ARHGAP4: variants seen among roughly 807,000 people sequenced by gnomAD.
ARHGAP4 encodes rho GTPase-activating protein 4.
Under a neutral mutation model 67.6 loss-of-function variants are expected in ARHGAP4, and 25 were observed. The observed-to-expected ratio is 0.37, with a 90% CI of 0.27 to 0.52. The LOEUF is 0.52. Among genes scored for constraint, ARHGAP4 ranks in the 20% least tolerant of loss-of-function variants. ARHGAP4 has a pLI of 0.92. For missense variants in ARHGAP4, 804 were observed against 854.6 expected, an observed-to-expected ratio of 0.94 and a Z score of 0.74; for synonymous variants, 448 against 373.7, an observed-to-expected ratio of 1.20 and a Z score of -2.29.
At position 153,913,555 on chromosome X, in the gene ARHGAP4, C is replaced by T. The variant is rs781836431; in HGVS notation, c.1180G>A (p.Val394Met). 1.7e-6 allele frequency: 2 copies of T among 1,211,370 alleles called. No individual in the cohort carries two copies. Among genetic ancestry groups the T allele is most frequent in the East Asian group, 5.9e-5 (2 of 33,861 alleles). Residue 394 changes from valine (V) to methionine (M), a missense_variant, in exon 9 of 22, where the codon GTG becomes ATG. Physicochemically the swap from Val to Met is conservative, Grantham distance 21. Around this residue, in one of 2 missense-constraint regions of ARHGAP4, gnomAD observed 404 missense variants for 505.9 expected, o/e 0.80. Coordinates refer to ENST00000350060, the MANE Select transcript of ARHGAP4 (RefSeq NM_001666.5). ...KATLQALLEVVASDDGDVLDS... is the reference protein window; with the variant it reads ...KATLQALLEVMASDDGDVLDS... The stretch of plus-strand genomic sequence containing the variant: ...AGCACATCCCCGTCATCCGAGGCCA[C>T]CACCTCCAGCAGGGCCTGCAGTGTC...
intron 1 of ARHGAP4, among the ~76,000 whole-genome samples, chrX:153,922,876 C>G (rs1189246174): frequency 1.8e-5 from 2 of 111,553 alleles, no homozygotes; most frequent in African/African-American, 6.5e-5. Context: ...GGGGCACGAA[C>G]ACATATCAGA....
chrX:153,909,371 A>C (rs2064998360), intron 20 of ARHGAP4, 72 bp downstream of exon 20: 34 of 1,075,234 alleles, frequency 3.2e-5, no homozygotes, highest in Non-Finnish European at 4.1e-5. Context: ...CCACTGGCCA[A>C]AGCCTGACCC....
At chrX:153,925,625 C>A (rs2065120956) in intron 1 of ARHGAP4, among the ~76,000 whole-genome samples, 1 of 112,638 alleles carries the variant, frequency 8.9e-6, no homozygotes, top group Non-Finnish European at 1.9e-5. Context: ...GCCAGCTTGA[C>A]CCAGAGACAG....
chrX:153,914,733 C>T (rs2065043741), intron 7 of ARHGAP4, among the ~76,000 whole-genome samples: 1 of 111,287 alleles, frequency 9.0e-6, no homozygotes, highest in Admixed American at 9.6e-5. Flanking sequence ...GTAAGGAAGA[C>T]TGGGGTCTGA....
At chrX:153,918,366 G>A (rs921946812) in intron 7 of ARHGAP4, among the ~76,000 whole-genome samples, 5 of 111,578 alleles carry the variant, frequency 4.5e-5, no homozygotes, top group Non-Finnish European at 9.4e-5. Context: ...GAGCAGCTGT[G>A]ACGCCATCGG....
rs1457794395 is a variant in ARHGAP4, at chrX:153,913,029, C to T, written c.1434G>A (p.Val478=). 1.7e-6 allele frequency: 2 copies of T among 1,193,563 alleles called. No individual in the cohort carries two copies. The highest frequency in any genetic ancestry group is 2.3e-6 in the Non-Finnish European group (2 of 886,487). Residue 478 remains valine (V), a synonymous_variant, in exon 11 of 22, where the codon GTG becomes GTA. Coordinates refer to ENST00000350060, the MANE Select transcript of ARHGAP4 (RefSeq NM_001666.5). ...LQRGDKEEQE[V]SWTQYTQRKF... is the part of the protein sequence containing the mutation. ...AGCCCTCAGGGAGGACTCACCAAGA[C>T]ACCTCCTGCTCCTCCTTGTCACCTG... is the stretch of plus-strand genomic sequence containing the variant.
Position 153,909,854 on chromosome X carries a change from G to C in ARHGAP4, c.2301C>G (p.Phe767Leu). ...YTGRTAQELS[F>L]RRGDVLRLHE... ...GCAGCCGCAGTACGTCCCCCCGCCG[G>C]AAGCTCAGCTCCTGGGCTGTGCGGC... The change falls in exon 19 of 22, where the codon TTC (phenylalanine) becomes TTG (leucine). Residue 767 changes from phenylalanine (F) to leucine (L), a missense_variant. Transcript: ENST00000350060. 1 of 1,204,279 alleles carries C rather than the reference G, an allele frequency of 8.3e-7. No individual in the cohort carries two copies. The highest frequency in any genetic ancestry group is 1.1e-6 in the Non-Finnish European group (1 of 892,338).
At chrX:153,909,561 T>G (rs1557102217) in intron 19 of ARHGAP4, 26 bp from the exon 20 acceptor site, 1 of 1,169,272 alleles carries the variant, frequency 8.6e-7, no homozygotes, top group Non-Finnish European at 1.1e-6. Context: ...CCGGCCTGTT[T>G]CGAGTGCTCC....
rs149873165 is a variant in ARHGAP4 at position 153,907,904 on chromosome X, C to T, written c.2666G>A (p.Arg889His). ...GGTAGATGCTGGCCCAAGGCCCTGG[C>T]GGACAGAGGTCTTTCCCAAGAGCTC... ...FKELLGKTSV[R>H]QGLGPASTTS... The change falls in exon 22 of 22, where the codon CGC becomes CAC. Residue 889 changes from arginine to histidine, a missense_variant. This residue lies in a region of ARHGAP4 where 400 missense variants were observed against 348.7 expected (regional missense o/e 1.15). Transcript: ENST00000350060. 47 of 1,060,404 alleles carry T rather than the reference C, an allele frequency of 4.4e-5. No homozygotes were observed. Among genetic ancestry groups the T allele is most frequent in the East Asian group, 1.8e-4 (5 of 27,540 alleles). 87.4% of individuals were successfully genotyped at this position (1,060,404 alleles called of 1,213,427 possible). A position where few individuals can be genotyped will look rare whatever the true frequency, so the allele number is the denominator to read the frequency against.
Position 153,910,921 on chromosome X carries a change from CCT to C in ARHGAP4, c.1680_1681del (p.Glu562GlyfsTer11). 1 of 1,159,983 alleles carries C rather than the reference CCT, an allele frequency of 8.6e-7. No individual in the cohort carries two copies. The highest frequency in any genetic ancestry group is 1.1e-6 in the Non-Finnish European group (1 of 870,228). ...CCCCCGCCCGCCCTGCCCGTCCCCA[CCT>C]CTCTCGAAGGCATCACGGATCTCTG... On this transcript the variant is annotated frameshift_variant and splice_region_variant, in exon 14 of 22. Transcript: ENST00000350060. LOFTEE classifies it high-confidence loss of function.
Position 153,920,693 on chromosome X carries a change from G to A in ARHGAP4, c.614C>T (p.Ala205Val), listed in dbSNP as rs781986272. Residue 205 changes from alanine (A) to valine (V), a missense_variant, in exon 5 of 22, where the codon GCT becomes GTT. This residue lies in a region of ARHGAP4 where 404 missense variants were observed against 505.9 expected (regional missense o/e 0.80). Transcript: ENST00000350060. ...GAGGGGCCCTGCCTCAGTGGCACCA[G>A]CGGTGGTGGTGGGGACACTCCGGCC... ...RAGRSVPTTT[A>V]GATEAGPLRK... The A allele has an allele frequency of 8.3e-7, 1 of 1,211,824 alleles. No homozygotes were observed. Among genetic ancestry groups the A allele is most frequent in the Non-Finnish European group, 1.1e-6 (1 of 895,545 alleles).
chrX:153,923,062 C>T lies in ARHGAP4; in HGVS notation c.68-1253G>A, dbSNP rs145408668. On this transcript the variant is annotated intron_variant, in intron 1 of 21. Transcript: ENST00000350060. Reference sequence around the variant, plus strand: ...GGGCAGTAGGGGGAGTCCGAGAGACCGGTAGGGACAGATGGCACAGAGCCC... The same window carrying T: ...GGGCAGTAGGGGGAGTCCGAGAGACTGGTAGGGACAGATGGCACAGAGCCC... Among the ~76,000 whole-genome samples, 1,018 of 110,736 alleles carry T rather than the reference C, an allele frequency of 9.2e-3. 18 individuals are homozygous for T. Among genetic ancestry groups the T allele is most frequent in the South Asian group, 0.037 (97 of 2,600 alleles).
intron 7 of ARHGAP4, among the ~76,000 whole-genome samples, chrX:153,915,325 G>A (rs373804358): frequency 2.7e-5 from 3 of 112,339 alleles, no homozygotes; most frequent in Non-Finnish European, 3.8e-5. Context: ...GCACAGCACC[G>A]TGAATGTGCT....
chrX:153,921,212 G>A, intron 3 of ARHGAP4, 53 bp from the exon 4 acceptor site: 5 of 1,180,061 alleles, frequency 4.2e-6, no homozygotes, highest in Non-Finnish European at 5.7e-6. Context: ...GCCCCGCCAG[G>A]CACTGGAAGC....
At chrX:153,921,918 C>A in intron 1 of ARHGAP4, 109 bp from the exon 2 acceptor site, 1 of 955,474 alleles carries the variant, frequency 1.0e-6, no homozygotes, top group Non-Finnish European at 1.4e-6. Flanking sequence ...CCCGTCGGCT[C>A]TGAGGGCTCC....
intron 7 of ARHGAP4, chrX:153,914,269 G>A: frequency 9.6e-6 from 2 of 208,882 alleles, no homozygotes; most frequent in South Asian, 1.9e-4. Flanking sequence ...GGAGAACGGG[G>A]AGTAGTGGCT....
intron 7 of ARHGAP4, 91 bp from the exon 8 acceptor site, chrX:153,913,970 G>A (rs2065038857): frequency 1.2e-6 from 1 of 834,036 alleles, no homozygotes; most frequent in Non-Finnish European, 1.7e-6. Flanking sequence ...GCACCCTTTT[G>A]TGGCCTGGCG....
Position 153,910,704 on chromosome X carries a change from A to C in ARHGAP4, c.1812T>G (p.Ser604=). 1.7e-6 allele frequency: 2 copies of C among 1,193,790 alleles called. No individual in the cohort carries two copies. Among genetic ancestry groups the C allele is most frequent in the Non-Finnish European group, 2.3e-6 (2 of 886,130 alleles). The change falls in exon 15 of 22, where the codon TCT becomes TCG. Residue 604 remains serine, a synonymous_variant. Transcript: ENST00000350060. ...PPDLFGELLA[S]SELEATAERV... ...AGCCTCAGGCCCCAGCCTCACCCGA[A>C]GAAGCCAGCAGCTCGCCGAACAGGT... is the stretch of plus-strand genomic sequence containing the variant.
At position 153,913,449 on chromosome X, in the gene ARHGAP4, C is replaced by T. The variant is rs782614897; in HGVS notation, c.1286G>A (p.Arg429Lys). 39 of 1,210,253 alleles carry T rather than the reference C, an allele frequency of 3.2e-5. No homozygotes were observed. Among genetic ancestry groups the T allele is most frequent in the Non-Finnish European group, 4.1e-5 (37 of 895,168 alleles). Residue 429 changes from arginine (R) to lysine (K), a missense_variant, in exon 9 of 22, where the codon AGG becomes AAG. Physicochemically the swap from Arg to Lys is conservative, Grantham distance 26. Transcript: ENST00000350060. ...SDPGSRQAGR[R>K]RGQQQETETF... ...TTCGGTCTCCTGCTGCTGGCCGCGC[C>T]TCCGGCCCGCCTGCCGGCTGCCTGG...
Sources: allele counts gnomAD v4.1 joint callset (sites outside exome capture counted in the v4.1 genomes callset), GRCh38; gene constraint gnomAD v4.1.1; regional missense constraint gnomAD v4.1.1; transcripts MANE v1.5; gene names NCBI Gene and HGNC (gene_info 2026-07-23, HGNC 2026-07-21).